CCDC7: variants seen among roughly 807,000 people sequenced by gnomAD.
CCDC7 encodes the protein coiled-coil domain-containing protein 7.
Under a neutral mutation model 196.9 loss-of-function variants are expected in CCDC7, and 183 were observed. That is an observed-to-expected ratio of 0.93 (90% CI 0.82 to 1.05). The LOEUF (loss-of-function observed/expected upper bound fraction) is 1.05, where lower values mean the gene tolerates loss of function less well. Ranked by LOEUF, CCDC7 falls within the 50% of genes least tolerant of loss-of-function variation. The pLI, the probability that CCDC7 is intolerant of heterozygous loss-of-function variation, is 0.00. For missense variants in CCDC7, 1,540 were observed against 1,482.2 expected, an observed-to-expected ratio of 1.04 and a Z score of -0.64; for synonymous variants, 525 against 484.6, an observed-to-expected ratio of 1.08 and a Z score of -1.10.
At chr10:32,848,860 AATGGTTTT>A (rs2093420197) in intron 39 of CCDC7, 142 bp downstream of exon 40, 2 of 698,072 alleles carry the variant, frequency 2.9e-6, no homozygotes, top group Non-Finnish European at 4.8e-6. Context: ...GTAAAAATAA[AATGGTTTT>A]AATTCATCCT....
intron 18 of CCDC7, among the ~76,000 whole-genome samples, chr10:32,621,277 C>T (rs72795573): frequency 0.09 from 13,638 of 152,094 alleles, 869 homozygotes; most frequent in East Asian, 0.33. Flanking sequence ...TTGAAGATAC[C>T]GCTGTCTCTT....
chr10:32,632,286 C>T (rs1287263576), intron 18 of CCDC7, among the ~76,000 whole-genome samples: 1 of 151,706 alleles, frequency 6.6e-6, no homozygotes, highest in Non-Finnish European at 1.5e-5. Flanking sequence ...CTTTCATTTT[C>T]AGTTTGTTGA....
chr10:32,613,911 T>C (rs2062467515), intron 18 of CCDC7, among the ~76,000 whole-genome samples: 1 of 152,098 alleles, frequency 6.6e-6, no homozygotes, highest in African/African-American at 2.4e-5. Context: ...TTATTAGGTC[T>C]GCTTCTGTAG....
chr10:32,646,344 C>T lies in CCDC7; in HGVS notation c.2014+11186C>T, dbSNP rs528701264. Among the ~76,000 whole-genome samples, 217 of 151,376 alleles carry T rather than the reference C, an allele frequency of 1.4e-3. 1 individual carries two copies. Among genetic ancestry groups the T allele is most frequent in the African/African-American group, 5.0e-3 (206 of 41,246 alleles). ...ATGTATTTGAACAGTTTCCAAAGTT[C>T]CTTCTGTTATTGATTCATAGTTTTA... On this transcript the variant is annotated intron_variant, in intron 20 of 41. Coordinates refer to ENST00000639629, the Ensembl canonical transcript of CCDC7.
At chr10:32,635,967 A>G (rs993983243) in intron 20 of CCDC7, among the ~76,000 whole-genome samples, 3 of 151,988 alleles carry the variant, frequency 2.0e-5, no homozygotes, top group African/African-American at 4.8e-5. Flanking sequence ...TTTATGCCCT[A>G]TTACTTAATA....
At chr10:32,451,718 C>T (rs774345523) in exon 1 of CCDC7, 1 of 1,613,924 alleles carries the variant, frequency 6.2e-7, no homozygotes, top group Non-Finnish European at 8.5e-7. Context: ...TAAAAAAGGA[C>T]TACATAATTT....
chr10:32,790,416 G>A (rs1350908698), intron 29 of CCDC7, among the ~76,000 whole-genome samples: 2 of 152,212 alleles, frequency 1.3e-5, no homozygotes, highest in African/African-American at 2.4e-5. Flanking sequence ...GTCCTCTGGA[G>A]TGCTAGCCCA....
intron 9 of CCDC7, among the ~76,000 whole-genome samples, chr10:32,492,675 G>T (rs2042331003): frequency 6.6e-6 from 1 of 152,066 alleles, no homozygotes; most frequent in Non-Finnish European, 1.5e-5. Context: ...ATGGTTGCCA[G>T]GGGGTACAGG....
intron 11 of CCDC7, among the ~76,000 whole-genome samples, chr10:32,539,710 T>C (rs185973977): frequency 2.4e-4 from 36 of 152,330 alleles, no homozygotes; most frequent in African/African-American, 8.4e-4. Context: ...TGATATGTTG[T>C]ATCTTTGTTC....
At chr10:32,754,409 A>G (rs2076100521) in intron 28 of CCDC7, among the ~76,000 whole-genome samples, 2 of 152,334 alleles carry the variant, frequency 1.3e-5, no homozygotes, top group South Asian at 4.1e-4. Flanking sequence ...ATAGGGAGAT[A>G]TTTCATGCTC....
intron 5 of CCDC7, among the ~76,000 whole-genome samples, chr10:32,466,254 CTCTTTTTT>C (rs925663197): frequency 2.6e-5 from 3 of 116,466 alleles, no homozygotes; most frequent in Non-Finnish European, 3.6e-5. Context: ...GTGTTTCTCT[CTCTTTTTT>C]TTTTTTTTTT....
At chr10:32,692,476 A>G (rs1235089024) in intron 23 of CCDC7, among the ~76,000 whole-genome samples, 1 of 152,206 alleles carries the variant, frequency 6.6e-6, no homozygotes, top group African/African-American at 2.4e-5. Flanking sequence ...ATTGATTGAC[A>G]TGACTGGCAG....
intron 5 of CCDC7, among the ~76,000 whole-genome samples, chr10:32,464,088 C>G (rs2133735786): frequency 6.6e-6 from 1 of 152,244 alleles, no homozygotes; most frequent in East Asian, 1.9e-4. Flanking sequence ...GCACTCAGTC[C>G]TGTCAATGTA....
chr10:32,664,988 T>C (rs1281456069), intron 21 of CCDC7, among the ~76,000 whole-genome samples: 9 of 152,086 alleles, frequency 5.9e-5, no homozygotes, highest in Non-Finnish European at 1.0e-4. Flanking sequence ...CTTCCATCTT[T>C]TTGATAATAG....
At chr10:32,563,357 A>G (rs2056136716) in intron 13 of CCDC7, among the ~76,000 whole-genome samples, 2 of 152,338 alleles carry the variant, frequency 1.3e-5, no homozygotes, top group South Asian at 4.1e-4. Flanking sequence ...TCCTAAGCCA[A>G]AAGAACAAAG....
At chr10:32,617,085 G>A (rs1193002285) in intron 18 of CCDC7, among the ~76,000 whole-genome samples, 3 of 151,784 alleles carry the variant, frequency 2.0e-5, no homozygotes, top group Admixed American at 6.6e-5. Context: ...GTGTAGAGTT[G>A]TTGATAATAG....
intron 18 of CCDC7, among the ~76,000 whole-genome samples, chr10:32,593,309 G>A (rs1355863587): frequency 1.1e-4 from 16 of 152,154 alleles, no homozygotes; most frequent in African/African-American, 3.1e-4. Flanking sequence ...GTGATGATGA[G>A]CATTTTTTCT....
intron 28 of CCDC7, among the ~76,000 whole-genome samples, chr10:32,757,296 C>T (rs1228061867): frequency 1.3e-5 from 2 of 152,108 alleles, no homozygotes; most frequent in Admixed American, 1.3e-4. Flanking sequence ...CAACAGAATA[C>T]ACATTCTTCT....
chr10:32,851,469 A>G (rs2093561868), intron 39 of CCDC7, among the ~76,000 whole-genome samples: 1 of 152,100 alleles, frequency 6.6e-6, no homozygotes, highest in Non-Finnish European at 1.5e-5. Context: ...GGCCTAACAT[A>G]CGATCTGTTC....
Sources: gnomAD v4.1 joint callset for allele counts (sites outside exome capture counted in the v4.1 genomes callset) on GRCh38, gnomAD v4.1.1 for gene constraint, MANE v1.5 for transcripts, NCBI Gene and HGNC (gene_info 2026-07-23, HGNC 2026-07-21) for gene names.